RAD51B: variants seen among roughly 807,000 people sequenced by gnomAD.
The protein encoded by RAD51B is RAD51 paralog B, also known as DNA repair protein RAD51 homolog 2.
In RAD51B, 38 loss-of-function variants were observed where a neutral mutation model predicts 42.2. The observed-to-expected ratio is 0.90, with a 90% confidence interval of 0.70 to 1.18. The LOEUF (loss-of-function observed/expected upper bound fraction) is 1.18. Ranked by LOEUF, RAD51B falls within the 50% of genes most tolerant of loss-of-function variation. RAD51B has a pLI of 0.00. For missense variants in RAD51B, 373 were observed against 400.7 expected (o/e 0.93, Z 0.59); for synonymous variants, 154 against 145.2 (o/e 1.06, Z -0.43).
intron 7 of RAD51B, among the ~76,000 whole-genome samples, chr14:68,059,621 C>T (rs572587849): frequency 1.1e-4 from 16 of 152,272 alleles, no homozygotes; most frequent in Admixed American, 2.0e-4. Flanking sequence ...AGGTCATATA[C>T]GACTCCTTCC....
chr14:67,870,811 C>T (rs55721234), intron 5 of RAD51B, among the ~76,000 whole-genome samples: 1,457 of 118,436 alleles, frequency 0.012, 65 homozygotes, highest in South Asian at 0.023. Flanking sequence ...TACATGGAAA[C>T]TGAACAACCT....
intron 8 of RAD51B, among the ~76,000 whole-genome samples, chr14:68,348,542 T>C (rs2082717411): frequency 6.6e-6 from 1 of 152,270 alleles, no homozygotes; most frequent in South Asian, 2.1e-4. Context: ...TTAACTCACT[T>C]GGGAGCTCAT....
At chr14:68,368,341 C>G (rs553124958) in intron 8 of RAD51B, among the ~76,000 whole-genome samples, 1 of 152,222 alleles carries the variant, frequency 6.6e-6, no homozygotes, top group Admixed American at 6.5e-5. Context: ...CCTTCATCCT[C>G]CATTCTCCCA....
At chr14:68,064,919 G>A (rs1289364553) in intron 7 of RAD51B, among the ~76,000 whole-genome samples, 1 of 151,904 alleles carries the variant, frequency 6.6e-6, no homozygotes, top group Non-Finnish European at 1.5e-5. Flanking sequence ...TTTGTATCTT[G>A]CTGAGTTTAA....
In RAD51B at chr14:68,571,378, G is replaced by T. The variant is rs1237250792; in HGVS notation, c.1037-23107G>T. On this transcript the variant is annotated intron_variant, in intron 10 of 10. Coordinates refer to the RAD51B transcript ENST00000487270. ...ACTGAGCTAAAATCAGTGTCGTCAG[G>T]GCAGTGTTCCCTTCTGGAGGCTGCA... Among the ~76,000 whole-genome samples, 4 of 152,274 alleles carry T rather than the reference G, an allele frequency of 2.6e-5. No homozygotes were observed. The East Asian group carries it at 7.7e-4, about 29-fold the overall frequency.
intron 7 of RAD51B, among the ~76,000 whole-genome samples, chr14:68,160,436 C>T (rs2078613895): frequency 2.6e-5 from 4 of 152,156 alleles, no homozygotes; most frequent in African/African-American, 9.7e-5. Context: ...TATTTGTGAA[C>T]ACCAAATATG....
intron 8 of RAD51B, among the ~76,000 whole-genome samples, chr14:68,320,709 TC>T (rs1332222741): frequency 6.6e-6 from 1 of 152,272 alleles, no homozygotes; most frequent in Non-Finnish European, 1.5e-5. Context: ...AGCATTTTGA[TC>T]TCATTAAATA....
intron 7 of RAD51B, among the ~76,000 whole-genome samples, chr14:68,158,198 C>T (rs926267148): frequency 6.6e-6 from 1 of 152,082 alleles, no homozygotes; most frequent in African/African-American, 2.4e-5. Context: ...TTGTATGAAT[C>T]GGAAGGAAAA....
chr14:68,297,977 A>G (rs1312284075), intron 8 of RAD51B, among the ~76,000 whole-genome samples: 1 of 152,194 alleles, frequency 6.6e-6, no homozygotes, highest in Non-Finnish European at 1.5e-5. Flanking sequence ...GCCATAGACT[A>G]TATCAACACA....
intron 10 of RAD51B, among the ~76,000 whole-genome samples, chr14:68,572,421 AAACTCTTG>A (rs759110954): frequency 2.0e-5 from 3 of 152,242 alleles, no homozygotes; most frequent in Non-Finnish European, 4.4e-5. Flanking sequence ...GAGCCCCTCA[AAACTCTTG>A]AAATAAGATG....
intron 7 of RAD51B, among the ~76,000 whole-genome samples, chr14:67,962,653 A>G (rs2074693928): frequency 6.6e-6 from 1 of 152,192 alleles, no homozygotes; most frequent in Non-Finnish European, 1.5e-5. Flanking sequence ...AATGTGAAAG[A>G]ACCCAGAGAA....
chr14:68,563,095 C>A (rs1889236488), intron 10 of RAD51B: 1 of 985,344 alleles, frequency 1.0e-6, no homozygotes, highest in Non-Finnish European at 1.2e-6. Flanking sequence ...CCTCCGTCTG[C>A]CTTGTTGACT....
intron 7 of RAD51B, among the ~76,000 whole-genome samples, chr14:67,896,691 G>A (rs1006909317): frequency 4.6e-5 from 7 of 152,124 alleles, no homozygotes; most frequent in Non-Finnish European, 1.0e-4. Context: ...TTGGTCAAAG[G>A]ATATTTTCTT....
At chr14:68,128,127 T>C (rs1468034575) in intron 7 of RAD51B, among the ~76,000 whole-genome samples, 1 of 152,260 alleles carries the variant, frequency 6.6e-6, no homozygotes, top group African/African-American at 2.4e-5. Flanking sequence ...AAGAGAAATG[T>C]AGAAACCTTC....
At chr14:68,061,398 T>C (rs527307067) in intron 7 of RAD51B, among the ~76,000 whole-genome samples, 2 of 152,244 alleles carry the variant, frequency 1.3e-5, no homozygotes, top group East Asian at 3.9e-4. Context: ...TCTATACAAA[T>C]TTGAGGATTG....
intron 8 of RAD51B, among the ~76,000 whole-genome samples, chr14:68,341,059 C>T (rs1447526238): frequency 6.6e-6 from 1 of 152,176 alleles, no homozygotes; most frequent in African/African-American, 2.4e-5. Context: ...GAAGATGCCA[C>T]TAAGATGAGC....
chr14:68,272,339 C>T (rs979244579), intron 7 of RAD51B, among the ~76,000 whole-genome samples: 3 of 152,010 alleles, frequency 2.0e-5, no homozygotes, highest in Non-Finnish European at 2.9e-5. Flanking sequence ...CAAGACACTT[C>T]GCTGCCGCTG....
chr14:68,378,487 C>T (rs969640104), intron 8 of RAD51B, among the ~76,000 whole-genome samples: 2 of 152,124 alleles, frequency 1.3e-5, no homozygotes, highest in Non-Finnish European at 2.9e-5. Flanking sequence ...GACTCAGCCC[C>T]ATACTAAAAT....
chr14:68,389,237 A>G (rs2083680812), intron 8 of RAD51B, among the ~76,000 whole-genome samples: 1 of 152,196 alleles, frequency 6.6e-6, no homozygotes, highest in South Asian at 2.1e-4. Context: ...CATAACATTA[A>G]TAGCGCCCAT....
Sources: allele counts gnomAD v4.1 joint callset (sites outside exome capture counted in the v4.1 genomes callset), GRCh38; gene constraint gnomAD v4.1.1; transcripts MANE v1.5; gene names NCBI Gene and HGNC (gene_info 2026-07-23, HGNC 2026-07-21).